Variants in ARHGAP35 observed in about 807,000 individuals in gnomAD.
ARHGAP35 encodes the protein rho GTPase-activating protein 35.
In ARHGAP35, 15 loss-of-function variants were observed where a neutral mutation model predicts 111.1. The ratio of observed to expected loss-of-function variants is 0.13; its 90% confidence interval spans 0.09 to 0.21. The LOEUF (loss-of-function observed/expected upper bound fraction) is 0.21. Ranked by LOEUF, ARHGAP35 falls within the 10% of genes least tolerant of loss-of-function variation. ARHGAP35 has a pLI of 1.00. For missense variants in ARHGAP35, 1,262 were observed against 1,873.0 expected (o/e 0.67, Z 6.02); for synonymous variants, 643 against 710.3 (o/e 0.91, Z 1.51).
intron 3 of ARHGAP35, among the ~76,000 whole-genome samples, chr19:46,946,244 A>G (rs1026305364): frequency 1.3e-5 from 2 of 152,202 alleles, no homozygotes; most frequent in African/African-American, 4.8e-5. Context: ...ATATGATCCC[A>G]TAAGAGATGG....
At chr19:46,979,873 G>T (rs1004106538) in intron 3 of ARHGAP35, among the ~76,000 whole-genome samples, 2 of 152,132 alleles carry the variant, frequency 1.3e-5, no homozygotes, top group African/African-American at 4.8e-5. Context: ...TAACGAAGGG[G>T]CAGGGGAGGG....
chr19:46,924,845 A>G (rs1351871228), intron 2 of ARHGAP35, among the ~76,000 whole-genome samples: 3 of 152,236 alleles, frequency 2.0e-5, no homozygotes, highest in Non-Finnish European at 4.4e-5. Context: ...TTATAACTAT[A>G]TTCTGACTTC....
At chr19:46,967,526 C>CTGT (rs1312280701) in intron 3 of ARHGAP35, among the ~76,000 whole-genome samples, 1 of 152,196 alleles carries the variant, frequency 6.6e-6, no homozygotes, top group Non-Finnish European at 1.5e-5. Context: ...ATTGACCTTC[C>CTGT]TGTTTCTGGT....
intron 3 of ARHGAP35, among the ~76,000 whole-genome samples, chr19:46,980,972 C>T (rs1468758585): frequency 6.6e-6 from 1 of 152,160 alleles, no homozygotes. Context: ...TTGATTTTGA[C>T]CTAAATGCTC....
chr19:46,915,820 C>G (rs751986497), intron 1 of ARHGAP35, among the ~76,000 whole-genome samples: 1 of 152,054 alleles, frequency 6.6e-6, no homozygotes, highest in African/African-American at 2.4e-5. Context: ...AGACTGTAAG[C>G]CATAACAGTT....
chr19:46,880,117 A>C (rs564230709), intron 1 of ARHGAP35, among the ~76,000 whole-genome samples: 3 of 151,756 alleles, frequency 2.0e-5, no homozygotes, highest in Admixed American at 6.6e-5. Context: ...ATAAATAAAT[A>C]AATCACTTTC....
chr19:46,956,956 C>CTTTTTTTTTTACT (rs2056442555), intron 3 of ARHGAP35, among the ~76,000 whole-genome samples: 1 of 107,618 alleles, frequency 9.3e-6, no homozygotes, highest in African/African-American at 3.7e-5. Flanking sequence ...TTAAAGCAGA[C>CTTTTTTTTTTACT]TTTTTTTTTT....
At chr19:46,895,188 G>A (rs1030700791) in intron 1 of ARHGAP35, among the ~76,000 whole-genome samples, 9 of 150,484 alleles carry the variant, frequency 6.0e-5, no homozygotes, top group Non-Finnish European at 1.2e-4. Context: ...TTTTGAGACG[G>A]AGTCTCGCTC....
At position 47,002,405 on chromosome 19, in the gene ARHGAP35, C is replaced by G. The variant is rs1291065590; in HGVS notation, c.*1717C>G. The G allele has an allele frequency of 6.6e-6, 1 of 152,540 alleles. No individual in the cohort carries two copies. The highest frequency in any genetic ancestry group is 1.9e-4 in the East Asian group (1 of 5,206). The allele number at this position is 152,540 out of a possible 1,614,324, so 9.4% of individuals were successfully genotyped here. ...AACGAAGGTGCTTGGAAACACCTAA[C>G]CTTGCAAGTTTTACCGCCTTTTGAG... On this transcript the variant is annotated 3_prime_UTR_variant, in exon 7 of 7. Coordinates refer to ENST00000672722, the MANE Select transcript of ARHGAP35 (RefSeq NM_004491.5).
At chr19:46,927,796 C>T (rs1324424332) in intron 2 of ARHGAP35, among the ~76,000 whole-genome samples, 3 of 152,064 alleles carry the variant, frequency 2.0e-5, no homozygotes. Flanking sequence ...GTGAGTGTAG[C>T]CACTGAGTGG....
rs1380846732 is a variant in ARHGAP35, at chr19:46,926,914, G to T, written c.3681+4558G>T. 1.3e-5 allele frequency among the ~76,000 whole-genome samples: 2 copies of T among 152,168 alleles called. No individual in the cohort carries two copies. Among genetic ancestry groups the T allele is most frequent in the African/African-American group, 4.8e-5 (2 of 41,428 alleles). ...TCTAGTGTGAATAAAAACCAGCTGG[G>T]GAATTGGACTGCTTGCTCCCCTGGG... On this transcript the variant is annotated intron_variant, in intron 2 of 6. Coordinates refer to ENST00000672722, the MANE Select transcript of ARHGAP35 (RefSeq NM_004491.5). This position sits in a 1 kb window ranked among gnomAD's most constrained non-coding sequence, Gnocchi z 4.1.
intron 3 of ARHGAP35, chr19:46,949,136 AAC>A (rs1469368450): frequency 6.6e-6 from 1 of 152,050 alleles, no homozygotes; most frequent in Non-Finnish European, 1.5e-5. Flanking sequence ...CAGCCTGGGC[AAC>A]AGAGCAAGAC....
At position 46,986,410 on chromosome 19, in the gene ARHGAP35, A is replaced by G. The variant is rs1008893016; in HGVS notation, c.3827-1579A>G. ...TTTTCTTGTATCACACTATACACCA[A>G]ATAAGTTCCAGAATGATCACAGAAT... On this transcript the variant is annotated intron_variant, in intron 3 of 6. Transcript: ENST00000672722. The surrounding 1 kb of genome is among the most constrained non-coding windows in gnomAD (Gnocchi z 4.3). Among the ~76,000 whole-genome samples, 4 of 152,210 alleles carry G rather than the reference A, an allele frequency of 2.6e-5. No individual in the cohort carries two copies. The highest frequency in any genetic ancestry group is 4.4e-5 in the Non-Finnish European group (3 of 68,038).
At position 46,937,259 on chromosome 19, in the gene ARHGAP35, G is replaced by A. The variant is rs564096594; in HGVS notation, c.3682-5G>A. The A allele has an allele frequency of 6.2e-7, 1 of 1,613,402 alleles. No individual in the cohort carries two copies. The highest frequency in any genetic ancestry group is 2.2e-5 in the East Asian group (1 of 44,874). On this transcript the variant is annotated splice_region_variant and splice_polypyrimidine_tract_variant and intron_variant, in intron 2 of 6. Coordinates refer to ENST00000672722, the MANE Select transcript of ARHGAP35 (RefSeq NM_004491.5). ...TTTGTGCTTCCCTTTCTCTTTCCTG[G>A]ACAGAAACCAAAGCCCAAACCCCGG...
At chr19:46,892,848 CTG>C (rs953510665) in intron 1 of ARHGAP35, among the ~76,000 whole-genome samples, 1 of 152,094 alleles carries the variant, frequency 6.6e-6, no homozygotes, top group African/African-American at 2.4e-5. Flanking sequence ...TTCCTGAACA[CTG>C]TGTTCAGGCT....
chr19:46,963,870 A>T (rs993699895), intron 3 of ARHGAP35, among the ~76,000 whole-genome samples: 1 of 151,878 alleles, frequency 6.6e-6, no homozygotes, highest in South Asian at 2.1e-4. Flanking sequence ...ATTTATTTTT[A>T]ATTTTTTTAT....
In ARHGAP35 at chr19:46,918,515, G is replaced by T. The variant is rs2056176543; in HGVS notation, c.-161G>T. 1.3e-5 allele frequency among the ~76,000 whole-genome samples: 2 copies of T among 152,002 alleles called. No homozygotes were observed. Among genetic ancestry groups the T allele is most frequent in the Admixed American group, 1.3e-4 (2 of 15,260 alleles). The stretch of plus-strand genomic sequence containing the variant: ...AGAAATGTTGGCTATTTGGCGATGA[G>T]AGGTGGTGAACAGTGACCATACTGG... On this transcript the variant is annotated 5_prime_UTR_variant, in exon 2 of 7. Transcript: ENST00000672722. The surrounding 1 kb of genome is among the most constrained non-coding windows in gnomAD (Gnocchi z 5.4).
intron 1 of ARHGAP35, among the ~76,000 whole-genome samples, chr19:46,883,095 C>T (rs748141576): frequency 4.0e-5 from 6 of 151,738 alleles, no homozygotes; most frequent in Non-Finnish European, 8.8e-5. Flanking sequence ...ATTAATTGGC[C>T]TAATTTCTTT....
chr19:46,877,360 C>T (rs969011485), intron 1 of ARHGAP35, among the ~76,000 whole-genome samples: 1 of 151,358 alleles, frequency 6.6e-6, no homozygotes, highest in Non-Finnish European at 1.5e-5. Context: ...GTCAGGAGTT[C>T]GAGACCAGCC....
Sources: allele counts gnomAD v4.1 joint callset (sites outside exome capture counted in the v4.1 genomes callset), GRCh38; gene constraint gnomAD v4.1.1; non-coding constraint Gnocchi (gnomAD v3.1); transcripts MANE v1.5; gene names NCBI Gene and HGNC (gene_info 2026-07-23, HGNC 2026-07-21).